Variants in PKNOX1 observed in about 807,000 individuals in gnomAD.
PKNOX1 encodes the protein PBX/knotted 1 homeobox 1.
Under a neutral mutation model 51.9 loss-of-function variants are expected in PKNOX1, and 15 were observed. The observed-to-expected ratio is 0.29, with a 90% CI of 0.19 to 0.45. The LOEUF (loss-of-function observed/expected upper bound fraction) is 0.45, where lower values mean the gene tolerates loss of function less well. Among genes scored for constraint, PKNOX1 ranks in the 20% least tolerant of loss-of-function variants. PKNOX1 has a pLI of 1.00. For synonymous variants in PKNOX1, 219 were observed against 211.1 expected, an observed-to-expected ratio of 1.04 and a Z score of -0.32; for missense variants, 462 against 547.5, an observed-to-expected ratio of 0.84 and a Z score of 1.56.
At chr21:43,004,933 C>A (rs546188916) in intron 2 of PKNOX1, among the ~76,000 whole-genome samples, 1 of 152,320 alleles carries the variant, frequency 6.6e-6, no homozygotes, top group African/African-American at 2.4e-5. Flanking sequence ...ACACGGGCAG[C>A]TCTCCATTGC....
intron 8 of PKNOX1, among the ~76,000 whole-genome samples, chr21:43,024,270 C>T (rs1284972857): frequency 6.6e-6 from 1 of 152,176 alleles, no homozygotes; most frequent in Non-Finnish European, 1.5e-5. Flanking sequence ...ATTTCCTACT[C>T]CACCTGTTTC....
rs1223242835 is a variant in PKNOX1 at position 42,974,572 on chromosome 21, G to A, written c.-149G>A. The stretch of plus-strand genomic sequence containing the variant: ...CCATTGAGCGAGGCTGTGTCGCGTG[G>A]CCCAGCGTCGGCGTGACGGTTGGAC... On this transcript the variant is annotated 5_prime_UTR_variant, in exon 1 of 11. Coordinates refer to ENST00000291547, the MANE Select transcript of PKNOX1 (RefSeq NM_004571.5). 6.6e-6 allele frequency: 1 copy of A among 152,442 alleles called. No homozygotes were observed. The highest frequency in any genetic ancestry group is 1.5e-5 in the Non-Finnish European group (1 of 68,052). The allele number at this position is 152,442 out of a possible 1,614,324, so 9.4% of individuals were successfully genotyped here.
intron 1 of PKNOX1, among the ~76,000 whole-genome samples, chr21:42,983,517 TTTTG>T (rs1261647641): frequency 6.6e-6 from 1 of 152,188 alleles, no homozygotes; most frequent in Non-Finnish European, 1.5e-5. Context: ...ATATACTGAA[TTTTG>T]TTTATCCATC....
chr21:42,989,275 G>A lies in PKNOX1; in HGVS notation c.-57+14611G>A, dbSNP rs913312541. ...CTTACAGATGTAAGCCACTGGGCCC[G>A]GCCTATCCCCAACCTGTTTTTTTCA... On this transcript the variant is annotated intron_variant, in intron 1 of 10. Transcript: ENST00000291547. 7.3e-5 allele frequency among the ~76,000 whole-genome samples: 11 copies of A among 151,416 alleles called. No homozygotes were observed. In the South Asian group the frequency reaches 8.4e-4, roughly 12 times the overall value.
intron 3 of PKNOX1, among the ~76,000 whole-genome samples, chr21:43,009,628 A>AAAAAG (rs1316098526): frequency 6.6e-6 from 1 of 151,522 alleles, no homozygotes; most frequent in East Asian, 1.9e-4. Context: ...AAAAAAAAAA[A>AAAAAG]AAGGAATAAA....
At chr21:43,025,617 G>T (rs1296579685) in intron 9 of PKNOX1, among the ~76,000 whole-genome samples, 1 of 152,202 alleles carries the variant, frequency 6.6e-6, no homozygotes, top group African/African-American at 2.4e-5. Context: ...GTGTTCCTAG[G>T]TGGCACTGAA....
intron 1 of PKNOX1, among the ~76,000 whole-genome samples, chr21:42,987,404 A>AAAAT: frequency 3.1e-3 from 130 of 41,402 alleles, no homozygotes; most frequent in Non-Finnish European, 5.2e-3. Context: ...AAAAAAAAAA[A>AAAAT]ATATATATAT....
At chr21:43,012,899 A>G (rs940149891) in intron 4 of PKNOX1, among the ~76,000 whole-genome samples, 169 bp from the exon 5 acceptor site, 11 of 152,228 alleles carry the variant, frequency 7.2e-5, no homozygotes, top group African/African-American at 2.7e-4. Flanking sequence ...AGCCCAGGTC[A>G]GTGGCACCGG....
chr21:43,013,360 C>A, intron 5 of PKNOX1, 122 bp downstream of exon 5: 1 of 675,088 alleles, frequency 1.5e-6, no homozygotes, highest in Non-Finnish European at 2.3e-6. Context: ...ACAAGAAGGA[C>A]CCTCTAGGTC....
At chr21:43,023,638 T>TA (rs1318102524) in intron 8 of PKNOX1, among the ~76,000 whole-genome samples, 2 of 151,578 alleles carry the variant, frequency 1.3e-5, no homozygotes, top group Admixed American at 1.3e-4. Flanking sequence ...GATTTTTTTT[T>TA]TTTATTTTTC....
intron 1 of PKNOX1, among the ~76,000 whole-genome samples, chr21:42,993,590 C>T (rs951934520): frequency 6.7e-5 from 10 of 149,356 alleles, no homozygotes; most frequent in Non-Finnish European, 1.0e-4. Context: ...GGCAAGTCTA[C>T]TGCCTTATTT....
At position 42,992,521 on chromosome 21, in the gene PKNOX1, C is replaced by T. The variant is rs563146101; in HGVS notation, c.-56-11805C>T. Among the ~76,000 whole-genome samples the T allele has an allele frequency of 4.6e-5, 7 of 152,290 alleles. No individual in the cohort carries two copies. In the South Asian group the frequency reaches 1.0e-3, roughly 23 times the overall value. On this transcript the variant is annotated intron_variant, in intron 1 of 10. Coordinates refer to ENST00000291547, the MANE Select transcript of PKNOX1 (RefSeq NM_004571.5). ...ACCAGGAATATGGAGAGGAAGTGGC[C>T]GTCTCTCCTCCAGGATGTCTGAGTC...
chr21:42,992,579 C>T (rs1024706118), intron 1 of PKNOX1, among the ~76,000 whole-genome samples: 1 of 152,114 alleles, frequency 6.6e-6, no homozygotes, highest in Admixed American at 6.5e-5. Flanking sequence ...CTGGGGGTGA[C>T]GTAATGACTG....
At chr21:43,008,282 C>T (rs564414674) in intron 3 of PKNOX1, among the ~76,000 whole-genome samples, 1 of 151,992 alleles carries the variant, frequency 6.6e-6, no homozygotes, top group Non-Finnish European at 1.5e-5. Context: ...TGAATGCTTC[C>T]CAACTCACTT....
chr21:42,999,251 G>A (rs1418786579), intron 1 of PKNOX1, among the ~76,000 whole-genome samples: 1 of 152,226 alleles, frequency 6.6e-6, no homozygotes, highest in Non-Finnish European at 1.5e-5. Context: ...CTGGGATGCA[G>A]GGCACCAAGT....
chr21:43,018,047 CAAAA>C (rs60175567), intron 6 of PKNOX1, 82 bp from the exon 7 acceptor site: 279 of 279,600 alleles, frequency 1.0e-3, no homozygotes, highest in Middle Eastern at 2.1e-3. Flanking sequence ...CCTGTCTCTA[CAAAA>C]AAAAAAAAAA....
At chr21:43,000,847 C>T (rs1256648942) in intron 1 of PKNOX1, among the ~76,000 whole-genome samples, 4 of 152,088 alleles carry the variant, frequency 2.6e-5, no homozygotes, top group Non-Finnish European at 1.5e-5. Context: ...TGCAACATTG[C>T]AGTCCAGCCT....
At chr21:42,990,621 T>C (rs2059082106) in intron 1 of PKNOX1, among the ~76,000 whole-genome samples, 1 of 152,172 alleles carries the variant, frequency 6.6e-6, no homozygotes, top group South Asian at 2.1e-4. Flanking sequence ...CTTACGTTCA[T>C]TGGCTGGGGC....
intron 1 of PKNOX1, among the ~76,000 whole-genome samples, chr21:42,992,782 C>T (rs1417570489): frequency 7.3e-6 from 1 of 136,750 alleles, no homozygotes; most frequent in Non-Finnish European, 1.6e-5. Flanking sequence ...TTCCTCACAG[C>T]ACTGGGGGGT....
Sources: gnomAD v4.1 joint callset for allele counts (sites outside exome capture counted in the v4.1 genomes callset) on GRCh38, gnomAD v4.1.1 for gene constraint, MANE v1.5 for transcripts, NCBI Gene and HGNC (gene_info 2026-07-23, HGNC 2026-07-21) for gene names.